ADGB: variants seen among roughly 807,000 people sequenced by gnomAD.
ADGB encodes the protein calpain-7-like protein.
A neutral mutation model predicts 210.5 loss-of-function variants in ADGB; 172 were observed. The observed-to-expected ratio is 0.82, with a 90% confidence interval of 0.72 to 0.93. The LOEUF is 0.93. Ranked by LOEUF, ADGB falls within the 40% of genes least tolerant of loss-of-function variation. ADGB has a pLI of 0.00. For missense variants in ADGB, 2,025 were observed against 1,964.8 expected, an observed-to-expected ratio of 1.03 and a Z score of -0.58; for synonymous variants, 658 against 662.7, an observed-to-expected ratio of 0.99 and a Z score of 0.11.
rs1326507573 is a variant in ADGB at position 146,754,324 on chromosome 6, AATTGGATTT to A, written c.3550+1614_3550+1622del. Among the ~76,000 whole-genome samples the A allele has an allele frequency of 8.6e-5, 13 of 151,430 alleles. No homozygotes were observed. The East Asian group carries it at 2.5e-3, about 29-fold the overall frequency. On this transcript the variant is annotated intron_variant, in intron 27 of 35. Coordinates refer to ENST00000397944, the MANE Select transcript of ADGB (RefSeq NM_024694.4). ...GTATTATTGGTCTTTTCTTAGAAAG[AATTGGATTT>A]ATTATTCAAACCCGAATGGCTCTTT...
At position 146,635,367 on chromosome 6, in the gene ADGB, C is replaced by G; in HGVS notation, c.75-8C>G. The G allele has an allele frequency of 3.4e-6, 5 of 1,463,946 alleles. No individual in the cohort carries two copies. Among genetic ancestry groups the G allele is most frequent in the Non-Finnish European group, 3.6e-6 (4 of 1,103,862 alleles). 90.7% of individuals were successfully genotyped at this position (1,463,946 alleles called of 1,614,324 possible). On this transcript the variant is annotated splice_region_variant and splice_polypyrimidine_tract_variant and intron_variant, in intron 1 of 35. Transcript: ENST00000397944. ...AACCTAACCCACCCACTCTCTGTCT[C>G]TGTCTAGTTTCTATCCTTTTGGCAG...
At chr6:146,780,726 T>A (rs565496724) in intron 29 of ADGB, among the ~76,000 whole-genome samples, 2 of 151,820 alleles carry the variant, frequency 1.3e-5, no homozygotes, top group Non-Finnish European at 2.9e-5. Context: ...AAAGAAGAAA[T>A]AGACAATTCA....
chr6:146,622,842 G>C (rs912953869), intron 1 of ADGB, among the ~76,000 whole-genome samples: 29 of 151,978 alleles, frequency 1.9e-4, no homozygotes, highest in Non-Finnish European at 2.9e-4. Flanking sequence ...AAGTTTTATA[G>C]TGTAAGTTTT....
intron 13 of ADGB, among the ~76,000 whole-genome samples, chr6:146,712,373 G>A (rs1776671222): frequency 6.6e-6 from 1 of 151,982 alleles, no homozygotes; most frequent in Non-Finnish European, 1.5e-5. Context: ...TTTTAGTAGA[G>A]ATGGGGTTTT....
At chr6:146,808,502 T>C (rs1460630564) in intron 35 of ADGB, among the ~76,000 whole-genome samples, 1 of 152,174 alleles carries the variant, frequency 6.6e-6, no homozygotes, top group Non-Finnish European at 1.5e-5. Flanking sequence ...GATGAAGTTG[T>C]TATACCCTAG....
chr6:146,635,850 C>T (rs773212680), intron 2 of ADGB, among the ~76,000 whole-genome samples: 7 of 151,926 alleles, frequency 4.6e-5, no homozygotes, highest in East Asian at 1.9e-4. Context: ...TGGAAACAGG[C>T]ATTTATAAAG....
chr6:146,781,955 T>A, intron 29 of ADGB, 65 bp from the exon 30 acceptor site: 1 of 1,202,528 alleles, frequency 8.3e-7, no homozygotes, highest in Non-Finnish European at 1.1e-6. Flanking sequence ...GATTCCCTTG[T>A]CCCCTGTGAA....
Position 146,688,536 on chromosome 6 carries a change from T to G in ADGB, c.1312-2580T>G, listed in dbSNP as rs1171267359. Among the ~76,000 whole-genome samples, 4 of 152,270 alleles carry G rather than the reference T, an allele frequency of 2.6e-5. No individual in the cohort carries two copies. The East Asian group carries it at 7.7e-4, about 29-fold the overall frequency. ...TAAGGGGAGAAGACTTAAAGGCAGC[T>G]TGAGGCATGCGTGAGAGCCAAGGCA... On this transcript the variant is annotated intron_variant, in intron 10 of 35. Coordinates refer to ENST00000397944, the MANE Select transcript of ADGB (RefSeq NM_024694.4).
intron 33 of ADGB, among the ~76,000 whole-genome samples, chr6:146,799,428 G>T (rs1197231042): frequency 6.6e-6 from 1 of 151,864 alleles, no homozygotes; most frequent in African/African-American, 2.4e-5. Flanking sequence ...CAGCTACTTG[G>T]GAGGCTGAAG....
At chr6:146,635,711 C>T (rs1232212949) in intron 2 of ADGB, among the ~76,000 whole-genome samples, 174 bp downstream of exon 2, 1 of 151,894 alleles carries the variant, frequency 6.6e-6, no homozygotes, top group African/African-American at 2.4e-5. Flanking sequence ...CTTTCCAAGC[C>T]TTAGTCCTGA....
chr6:146,715,378 A>C lies in ADGB; in HGVS notation c.1708-4A>C, dbSNP rs375032252. 1.5e-5 allele frequency: 23 copies of C among 1,507,154 alleles called. No individual in the cohort carries two copies. The highest frequency in any genetic ancestry group is 2.0e-5 in the Non-Finnish European group (22 of 1,125,390). 93.4% of individuals were successfully genotyped at this position (1,507,154 alleles called of 1,614,324 possible). A position where few individuals can be genotyped will look rare whatever the true frequency, so the allele number is the denominator to read the frequency against. ...ATTCAAAGTGTGTTTCTTTTAATTCATAGGGAAATACTGCTTCACAAGTTA... is the reference window on the plus strand; with the variant it reads ...ATTCAAAGTGTGTTTCTTTTAATTCCTAGGGAAATACTGCTTCACAAGTTA... On this transcript the variant is annotated splice_region_variant and splice_polypyrimidine_tract_variant and intron_variant, in intron 13 of 35. Coordinates refer to ENST00000397944, the MANE Select transcript of ADGB (RefSeq NM_024694.4).
At chr6:146,743,342 C>T (rs1777184896) in intron 25 of ADGB, among the ~76,000 whole-genome samples, 1 of 152,004 alleles carries the variant, frequency 6.6e-6, no homozygotes, top group South Asian at 2.1e-4. Flanking sequence ...TTTGGTTGAA[C>T]CAAGTACGAA....
intron 27 of ADGB, 95 bp downstream of exon 27, chr6:146,752,809 C>T (rs1777343300): frequency 1.7e-6 from 2 of 1,199,518 alleles, no homozygotes; most frequent in South Asian, 4.0e-5. Flanking sequence ...AGCAAGTAAC[C>T]ACTTAAATTA....
intron 24 of ADGB, among the ~76,000 whole-genome samples, chr6:146,740,833 A>G (rs1300665451): frequency 6.6e-6 from 1 of 152,172 alleles, no homozygotes. Flanking sequence ...TAAAAATACT[A>G]TAACAAATTA....
chr6:146,811,048 C>T (rs1354605647), intron 35 of ADGB, among the ~76,000 whole-genome samples: 3 of 152,096 alleles, frequency 2.0e-5, no homozygotes, highest in Non-Finnish European at 4.4e-5. Context: ...TATACATCTG[C>T]CCACTTGTAT....
At chr6:146,778,851 A>AG (rs1554255035) in intron 29 of ADGB, among the ~76,000 whole-genome samples, 2 of 152,208 alleles carry the variant, frequency 1.3e-5, no homozygotes, top group Non-Finnish European at 2.9e-5. Flanking sequence ...TGAAAATGGC[A>AG]GGGTAAGAAC....
intron 7 of ADGB, among the ~76,000 whole-genome samples, chr6:146,669,277 G>A (rs954150860): frequency 2.0e-5 from 3 of 152,034 alleles, no homozygotes; most frequent in Non-Finnish European, 4.4e-5. Context: ...TCAGGGAGTC[G>A]AGCAGATCAG....
At chr6:146,676,712 T>TA in intron 9 of ADGB, among the ~76,000 whole-genome samples, 1 of 152,266 alleles carries the variant, frequency 6.6e-6, no homozygotes, top group East Asian at 1.9e-4. Flanking sequence ...GGTATTTCTC[T>TA]AAAAAATACT....
chr6:146,780,267 G>T (rs1293724725), intron 29 of ADGB, among the ~76,000 whole-genome samples: 1 of 151,822 alleles, frequency 6.6e-6, no homozygotes, highest in Non-Finnish European at 1.5e-5. Context: ...GAATTAAAAA[G>T]TAAACAGTAG....
Sources: gnomAD v4.1 joint callset for allele counts (sites outside exome capture counted in the v4.1 genomes callset) on GRCh38, gnomAD v4.1.1 for gene constraint, MANE v1.5 for transcripts, NCBI Gene and HGNC (gene_info 2026-07-23, HGNC 2026-07-21) for gene names.